DACH1: variants seen among roughly 807,000 people sequenced by gnomAD.
DACH1 encodes dachshund family transcription factor 1.
In DACH1, 12 loss-of-function variants were observed where a neutral mutation model predicts 54.2. The ratio of observed to expected loss-of-function variants is 0.22; its 90% CI spans 0.14 to 0.36. The LOEUF (loss-of-function observed/expected upper bound fraction) is 0.36. Ranked by LOEUF, DACH1 falls within the 10% of genes least tolerant of loss-of-function variation. DACH1 has a pLI of 1.00. For synonymous variants in DACH1, 386 were observed against 366.2 expected (o/e 1.05, Z -0.62); for missense variants, 805 against 929.8 (o/e 0.87, Z 1.75).
intron 6 of DACH1, among the ~76,000 whole-genome samples, chr13:71,489,700 A>C (rs1177842721): frequency 6.6e-6 from 1 of 152,150 alleles, no homozygotes; most frequent in African/African-American, 2.4e-5. Context: ...GTATTTCTAA[A>C]TTATAACTGA....
intron 1 of DACH1, among the ~76,000 whole-genome samples, chr13:71,799,728 C>G (rs992974913): frequency 6.6e-6 from 1 of 152,064 alleles, no homozygotes; most frequent in Non-Finnish European, 1.5e-5. Flanking sequence ...AAATTTGAAG[C>G]TATGAATCTA....
chr13:71,826,734 T>C (rs1009053514), intron 1 of DACH1, among the ~76,000 whole-genome samples: 2 of 152,154 alleles, frequency 1.3e-5, no homozygotes, highest in African/African-American at 4.8e-5. Flanking sequence ...TACATCTTTA[T>C]ATATGTATAT....
In DACH1 at chr13:71,851,844, A is replaced by C. The variant is rs114442763; in HGVS notation, c.848+14078T>G. Among the ~76,000 whole-genome samples the C allele has an allele frequency of 5.2e-3, 792 of 152,240 alleles. 5 individuals carry two copies. The highest frequency in any genetic ancestry group is 0.018 in the African/African-American group (767 of 41,542). ...CATCTGAAACTTGGGACTACTTCGG[A>C]TGAATTTTTAGTTTGAGACCCCAGA... On this transcript the variant is annotated intron_variant, in intron 1 of 10. Coordinates refer to ENST00000613252, the MANE Select transcript of DACH1 (RefSeq NM_080759.6).
chr13:71,864,951 G>A (rs1874622946), intron 1 of DACH1, among the ~76,000 whole-genome samples: 1 of 152,148 alleles, frequency 6.6e-6, no homozygotes, highest in Admixed American at 6.5e-5. Context: ...GAAAAGAAAA[G>A]AGAGAGAAAG....
intron 10 of DACH1, among the ~76,000 whole-genome samples, chr13:71,452,464 CATCAGCTATATCAGATATTTCAATAT>C (rs1315971867): frequency 6.6e-6 from 1 of 152,030 alleles, no homozygotes; most frequent in Non-Finnish European, 1.5e-5. Context: ...AAAAAAATTA[CATCAGCTATATCAGATATTTCAATAT>C]GTCAGCTATA....
intron 1 of DACH1, among the ~76,000 whole-genome samples, chr13:71,765,115 CCT>C (rs1239316933): frequency 6.6e-6 from 1 of 152,136 alleles, no homozygotes; most frequent in Admixed American, 6.5e-5. Flanking sequence ...GATACCAGCC[CCT>C]GATTATTCTA....
intron 1 of DACH1, among the ~76,000 whole-genome samples, chr13:71,712,001 T>C (rs1882743328): frequency 1.3e-5 from 2 of 152,114 alleles, no homozygotes; most frequent in African/African-American, 2.4e-5. Context: ...CATATAACCA[T>C]AGCTAATGTC....
chr13:71,767,012 AG>A (rs1378945061), intron 1 of DACH1, among the ~76,000 whole-genome samples: 1 of 152,106 alleles, frequency 6.6e-6, no homozygotes, highest in Non-Finnish European at 1.5e-5. Context: ...CCTCAGAAAA[AG>A]GTGACTTTAA....
intron 1 of DACH1, among the ~76,000 whole-genome samples, chr13:71,698,928 C>T (rs944677238): frequency 6.6e-6 from 1 of 152,154 alleles, no homozygotes; most frequent in East Asian, 1.9e-4. Flanking sequence ...CATTAAAAAA[C>T]AATTATTTTT....
At chr13:71,709,150 G>A (rs1256308278) in intron 1 of DACH1, among the ~76,000 whole-genome samples, 1 of 151,996 alleles carries the variant, frequency 6.6e-6, no homozygotes, top group Non-Finnish European at 1.5e-5. Context: ...ACCGTGCCTG[G>A]CCGTATTTTT....
intron 2 of DACH1, among the ~76,000 whole-genome samples, chr13:71,631,443 C>T (rs1317415382): frequency 6.6e-6 from 1 of 152,142 alleles, no homozygotes; most frequent in Admixed American, 6.6e-5. Flanking sequence ...ACCTGTTTTC[C>T]TCACTAGATT....
At chr13:71,605,637 T>C (rs954342767) in intron 3 of DACH1, among the ~76,000 whole-genome samples, 15 of 152,142 alleles carry the variant, frequency 9.9e-5, no homozygotes, top group East Asian at 7.7e-4. Context: ...AACAAAAACA[T>C]TGGCTCACAG....
Position 71,607,226 on chromosome 13 carries a change from C to T in DACH1, c.1126+23330G>A, listed in dbSNP as rs141543741. Among the ~76,000 whole-genome samples the T allele has an allele frequency of 1.3e-3, 204 of 152,074 alleles. 1 individual carries two copies. The highest frequency in any genetic ancestry group is 3.4e-3 in the Middle Eastern group (1 of 294). ...TTTGTAATAACAAGGTGTTCACCTG[C>T]ATAACTTTTTACAATATGATAATTT... is the stretch of plus-strand genomic sequence containing the variant. On this transcript the variant is annotated intron_variant, in intron 3 of 10. Coordinates refer to ENST00000613252, the MANE Select transcript of DACH1 (RefSeq NM_080759.6).
intron 2 of DACH1, among the ~76,000 whole-genome samples, chr13:71,651,114 C>T (rs1280575547): frequency 1.3e-5 from 2 of 152,182 alleles, no homozygotes; most frequent in East Asian, 3.9e-4. Context: ...CATACAATTG[C>T]TATAGCACAG....
At chr13:71,686,618 A>G (rs1881178493) in intron 1 of DACH1, among the ~76,000 whole-genome samples, 1 of 152,200 alleles carries the variant, frequency 6.6e-6, no homozygotes, top group Non-Finnish European at 1.5e-5. Context: ...TAGAATTTTC[A>G]ATATCCAATC....
At chr13:71,790,795 T>C (rs1886799728) in intron 1 of DACH1, among the ~76,000 whole-genome samples, 1 of 152,226 alleles carries the variant, frequency 6.6e-6, no homozygotes, top group African/African-American at 2.4e-5. Context: ...ATGATTATTT[T>C]TATTTCTTGC....
intron 3 of DACH1, among the ~76,000 whole-genome samples, chr13:71,606,503 T>C (rs1296456947): frequency 6.6e-6 from 1 of 152,078 alleles, no homozygotes; most frequent in Non-Finnish European, 1.5e-5. Flanking sequence ...ATCTTCCTGA[T>C]AGTTTGAATA....
chr13:71,723,565 C>T lies in DACH1; in HGVS notation c.849-41655G>A, dbSNP rs1883330104. ...AAAAACCTCTTTTGATGTTGACTTG[C>T]ATTTGACGCAATAAAATCTGTTTTT... On this transcript the variant is annotated intron_variant, in intron 1 of 10. Transcript: ENST00000613252. Among the ~76,000 whole-genome samples the T allele has an allele frequency of 2.0e-5, 3 of 152,250 alleles. No individual in the cohort carries two copies. In the South Asian group the frequency reaches 6.2e-4, roughly 32 times the overall value.
chr13:71,822,860 AT>A (rs1888243828), intron 1 of DACH1, among the ~76,000 whole-genome samples: 1 of 152,158 alleles, frequency 6.6e-6, no homozygotes, highest in African/African-American at 2.4e-5. Context: ...ATTATTAATA[AT>A]TTAACAGTTC....
Sources: allele counts gnomAD v4.1 joint callset (sites outside exome capture counted in the v4.1 genomes callset), GRCh38; gene constraint gnomAD v4.1.1; transcripts MANE v1.5; gene names NCBI Gene and HGNC (gene_info 2026-07-23, HGNC 2026-07-21).